OR4C6: variants seen among roughly 807,000 people sequenced by gnomAD.
OR4C6 encodes olfactory receptor 4C6.
In OR4C6, 20 loss-of-function variants were observed where a neutral mutation model predicts 13.9. The observed-to-expected ratio is 1.43, with a 90% confidence interval of 1.01 to 2.08. The LOEUF is 2.08. Ranked by LOEUF, OR4C6 falls within the 30% of genes most tolerant of loss-of-function variation. The pLI is 0.00. For synonymous variants in OR4C6, 193 were observed against 141.5 expected (o/e 1.36, Z -2.58); for missense variants, 555 against 381.2 (o/e 1.46, Z -3.80).
At position 55,666,038 on chromosome 11, in the gene OR4C6, A is replaced by G. The variant is rs1219628384; in HGVS notation, c.872A>G (p.Glu291Gly). 6.2e-7 allele frequency: 1 copy of G among 1,613,818 alleles called. No individual in the cohort carries two copies. The highest frequency in any genetic ancestry group is 1.7e-5 in the Admixed American group (1 of 59,970). The change falls in exon 2 of 2, where the codon GAG becomes GGG. Residue 291 changes from glutamate (E) to glycine (G), a missense_variant. By Grantham distance (98) the Glu-to-Gly change is moderately conservative (BLOSUM62 -2). Transcript: ENST00000314259. Reference sequence around the variant, plus strand: ...TTGATCTATACACTGAGGAATGCAGAGGTGAAAAGTGCCATGAAGAAACTC... The same window carrying G: ...TTGATCTATACACTGAGGAATGCAGGGGTGAAAAGTGCCATGAAGAAACTC... ...NPLIYTLRNAEVKSAMKKLWM... is the reference protein window; with the variant it reads ...NPLIYTLRNAGVKSAMKKLWM...
At chr11:55,664,783 C>G (rs549814268) in intron 1 of OR4C6, among the ~76,000 whole-genome samples, 1 of 151,990 alleles carries the variant, frequency 6.6e-6, no homozygotes, top group South Asian at 2.1e-4. Flanking sequence ...AAAACAAAGC[C>G]AATCATAGAA....
At chr11:55,664,571 G>A (rs1300603365) in intron 1 of OR4C6, among the ~76,000 whole-genome samples, 1 of 152,004 alleles carries the variant, frequency 6.6e-6, no homozygotes, top group Non-Finnish European at 1.5e-5. Flanking sequence ...AAGATAAGCA[G>A]GATAATAATT....
chr11:55,664,138 G>C (rs1252496370), intron 1 of OR4C6, among the ~76,000 whole-genome samples: 1 of 151,952 alleles, frequency 6.6e-6, no homozygotes. Flanking sequence ...TAAGGGCTTT[G>C]GTCTCTCTTT....
Position 55,665,469 on chromosome 11 carries a change from G to A in OR4C6, c.303G>A (p.Val101=), listed in dbSNP as rs140069607. ...AAGGCTGCCTCACCCAGCTGTTTGTGGAGCATTTCTTTGGTGGTGTGGGGA... is the reference window on the plus strand; with the variant it reads ...AAGGCTGCCTCACCCAGCTGTTTGTAGAGCATTTCTTTGGTGGTGTGGGGA... ...SLKGCLTQLF[V]EHFFGGVGII... is the part of the protein sequence containing the mutation. Residue 101 remains valine, a synonymous_variant, in exon 2 of 2, where the codon GTG becomes GTA. Transcript: ENST00000314259. 2 of 1,613,738 alleles carry A rather than the reference G, an allele frequency of 1.2e-6. No individual in the cohort carries two copies. Among genetic ancestry groups the A allele is most frequent in the African/African-American group, 1.3e-5 (1 of 74,740 alleles).
Position 55,665,187 on chromosome 11 carries a change from G to A in OR4C6, c.21G>A (p.Val7=). 1 of 1,610,448 alleles carries A rather than the reference G, an allele frequency of 6.2e-7. No individual in the cohort carries two copies. Among genetic ancestry groups the A allele is most frequent in the Non-Finnish European group, 8.5e-7 (1 of 1,177,958 alleles). The change falls in exon 2 of 2, where the codon GTG becomes GTA. Residue 7 remains valine, a synonymous_variant. Transcript: ENST00000314259. MENQNN[V]TEFILLGLTE... Reference sequence around the variant, plus strand: ...GAGAAATGGAAAATCAAAACAATGTGACTGAATTCATTCTTCTGGGTCTCA... The same window carrying A: ...GAGAAATGGAAAATCAAAACAATGTAACTGAATTCATTCTTCTGGGTCTCA...
At chr11:55,664,056 C>T (rs1430044643) in intron 1 of OR4C6, among the ~76,000 whole-genome samples, 1 of 91,852 alleles carries the variant, frequency 1.1e-5, no homozygotes, top group South Asian at 3.5e-4. Context: ...AGGTATGAAT[C>T]GAAGCCGTGT....
Position 55,666,061 on chromosome 11 carries a change from C to T in OR4C6, c.895C>T (p.Leu299Phe), listed in dbSNP as rs767882533. The T allele has an allele frequency of 3.7e-6, 6 of 1,613,082 alleles. No individual in the cohort carries two copies. The highest frequency in any genetic ancestry group is 4.2e-6 in the Non-Finnish European group (5 of 1,179,570). ...AGAGGTGAAAAGTGCCATGAAGAAACTCTGGATGAAATGGGAGGCTTTGGC... is the reference window on the plus strand; with the variant it reads ...AGAGGTGAAAAGTGCCATGAAGAAATTCTGGATGAAATGGGAGGCTTTGGC... ...NAEVKSAMKKLWMKWEALAGK is the reference protein window; with the variant it reads ...NAEVKSAMKKFWMKWEALAGK Residue 299 changes from leucine (L) to phenylalanine (F), a missense_variant, in exon 2 of 2, where the codon CTC becomes TTC. Physicochemically the swap from Leu to Phe is conservative, Grantham distance 22. Coordinates refer to ENST00000314259, the MANE Select transcript of OR4C6 (RefSeq NM_001004704.2).
chr11:55,665,192 A>C lies in OR4C6; in HGVS notation c.26A>C (p.Glu9Ala), dbSNP rs61729625. 164 of 1,611,428 alleles carry C rather than the reference A, an allele frequency of 1.0e-4. No individual in the cohort carries two copies. The Middle Eastern group carries it at 3.5e-3, about 34-fold the overall frequency. The change falls in exon 2 of 2, where the codon GAA (glutamate) becomes GCA (alanine). Residue 9 changes from glutamate (E) to alanine (A), a missense_variant. By Grantham distance (107) the Glu-to-Ala change is moderately radical. Coordinates refer to ENST00000314259, the MANE Select transcript of OR4C6 (RefSeq NM_001004704.2). MENQNNVT[E>A]FILLGLTENL... is the part of the protein sequence containing the mutation. Reference sequence around the variant, plus strand: ...ATGGAAAATCAAAACAATGTGACTGAATTCATTCTTCTGGGTCTCACAGAG... The same window carrying C: ...ATGGAAAATCAAAACAATGTGACTGCATTCATTCTTCTGGGTCTCACAGAG...
At chr11:55,662,993 A>G (rs1858688345) in intron 1 of OR4C6, among the ~76,000 whole-genome samples, 1 of 138,812 alleles carries the variant, frequency 7.2e-6, no homozygotes, top group African/African-American at 2.5e-5. Context: ...AAAGATGTTT[A>G]GTCATTGCCC....
At position 55,665,150 on chromosome 11, in the gene OR4C6, A is replaced by G. The variant is rs1158670046; in HGVS notation, c.-17A>G. On this transcript the variant is annotated 5_prime_UTR_variant, in exon 2 of 2. Coordinates refer to ENST00000314259, the MANE Select transcript of OR4C6 (RefSeq NM_001004704.2). ...GATTCTCAACTCTCAGCTGGAACTC[A>G]TATCAACACCTGAGAAATGGAAAAT... is the stretch of plus-strand genomic sequence containing the variant. The G allele has an allele frequency of 1.3e-6, 2 of 1,528,620 alleles. No homozygotes were observed. Among genetic ancestry groups the G allele is most frequent in the East Asian group, 2.3e-5 (1 of 44,428 alleles). The allele number at this position is 1,528,620 out of a possible 1,614,324, so 94.7% of individuals were successfully genotyped here.
Position 55,662,403 on chromosome 11 carries a change from C to T in OR4C6, c.-43+155C>T, listed in dbSNP as rs1162707343. Among the ~76,000 whole-genome samples, 3 of 138,668 alleles carry T rather than the reference C, an allele frequency of 2.2e-5. 1 individual carries two copies. The allele number at this position is 138,668 out of a possible 152,430, so 91.0% of individuals were successfully genotyped here. On this transcript the variant is annotated intron_variant, in intron 1 of 1. Transcript: ENST00000314259. ...TTCACACATGGAGGATGGGCTGGCA[C>T]CAGCATTATCTATGTCCCACTGCTC...
rs777345548 is a variant in OR4C6 at position 55,665,160 on chromosome 11, C to T, written c.-7C>T. The T allele has an allele frequency of 6.3e-7, 1 of 1,585,716 alleles. No homozygotes were observed. Among genetic ancestry groups the T allele is most frequent in the African/African-American group, 1.4e-5 (1 of 73,872 alleles). ...TCTCAGCTGGAACTCATATCAACAC[C>T]TGAGAAATGGAAAATCAAAACAATG... On this transcript the variant is annotated 5_prime_UTR_variant, in exon 2 of 2. Transcript: ENST00000314259.
Position 55,665,790 on chromosome 11 carries a change from C to A in OR4C6, c.624C>A (p.Ile208=), listed in dbSNP as rs143932733. Residue 208 remains isoleucine, a synonymous_variant, in exon 2 of 2, where the codon ATC becomes ATA. Transcript: ENST00000314259. The stretch of plus-strand genomic sequence containing the variant: ...ACAGTGGGATGATGTGTGTGGCCAT[C>A]TTTCTTATCTTAATTGCGTCCTACA... ...TLNSGMMCVA[I]FLILIASYTV... 2 of 1,613,966 alleles carry A rather than the reference C, an allele frequency of 1.2e-6. No homozygotes were observed. Among genetic ancestry groups the A allele is most frequent in the African/African-American group, 2.7e-5 (2 of 74,886 alleles).
Position 55,665,122 on chromosome 11 carries a change from T to G in OR4C6, c.-42-3T>G. The stretch of plus-strand genomic sequence containing the variant: ...AATTATAAATCATATCTTGCTTATT[T>G]AGGATTCTCAACTCTCAGCTGGAAC... On this transcript the variant is annotated splice_polypyrimidine_tract_variant and splice_region_variant and intron_variant, in intron 1 of 1. Coordinates refer to ENST00000314259, the MANE Select transcript of OR4C6 (RefSeq NM_001004704.2). 8.4e-7 allele frequency: 1 copy of G among 1,197,534 alleles called. No homozygotes were observed. Among genetic ancestry groups the G allele is most frequent in the Non-Finnish European group, 1.2e-6 (1 of 833,652 alleles). 74.2% of individuals were successfully genotyped at this position (1,197,534 alleles called of 1,614,324 possible).
rs201210743 is a variant in OR4C6, at chr11:55,665,808, G to A, written c.642G>A (p.Ala214=). The A allele has an allele frequency of 8.8e-5, 142 of 1,613,806 alleles. 1 individual carries two copies. Among genetic ancestry groups the A allele is most frequent in the Middle Eastern group, 6.6e-4 (4 of 6,062 alleles). ...TGGCCATCTTTCTTATCTTAATTGC[G>A]TCCTACACGGTCATCCTATGCTCCC... is the stretch of plus-strand genomic sequence containing the variant. The part of the protein sequence containing the change: ...MCVAIFLILI[A]SYTVILCSLK... Residue 214 remains alanine, a synonymous_variant, in exon 2 of 2, where the codon GCG becomes GCA. Coordinates refer to ENST00000314259, the MANE Select transcript of OR4C6 (RefSeq NM_001004704.2).
chr11:55,662,959 C>T lies in OR4C6; in HGVS notation c.-43+711C>T, dbSNP rs1858687880. 5.1e-5 allele frequency among the ~76,000 whole-genome samples: 7 copies of T among 138,574 alleles called. 2 individuals are homozygous for T. The highest frequency in any genetic ancestry group is 8.0e-5 in the Non-Finnish European group (5 of 62,418). 90.9% of individuals were successfully genotyped at this position (138,574 alleles called of 152,430 possible). On this transcript the variant is annotated intron_variant, in intron 1 of 1. Transcript: ENST00000314259. ...CAGTCATAATACTTATTTCATATGG[C>T]CGTTCATGATAATCAAATGAGAAAA...
intron 1 of OR4C6, among the ~76,000 whole-genome samples, chr11:55,664,351 G>A (rs1858707582): frequency 1.3e-5 from 2 of 152,022 alleles, no homozygotes; most frequent in Admixed American, 1.3e-4. Flanking sequence ...CTAATTCAAG[G>A]TTCAAGTCAG....
chr11:55,664,623 C>T (rs1336864118), intron 1 of OR4C6, among the ~76,000 whole-genome samples: 2 of 152,040 alleles, frequency 1.3e-5, no homozygotes, highest in African/African-American at 4.8e-5. Context: ...ATAAATCTCA[C>T]AGCATAATTA....
intron 1 of OR4C6, among the ~76,000 whole-genome samples, chr11:55,664,689 T>A (rs1178848860): frequency 6.6e-6 from 1 of 151,272 alleles, no homozygotes; most frequent in East Asian, 1.9e-4. Context: ...GAATATAAGG[T>A]CCAAATTCTA....
Sources: allele counts gnomAD v4.1 joint callset (sites outside exome capture counted in the v4.1 genomes callset), GRCh38; gene constraint gnomAD v4.1.1; transcripts MANE v1.5; gene names NCBI Gene and HGNC (gene_info 2026-07-23, HGNC 2026-07-21).